The following PLEKHG6 variants were observed in gnomAD, a reference collection of about 807,000 sequenced individuals.
PLEKHG6 encodes the protein pleckstrin homology and RhoGEF domain containing G6.
In PLEKHG6, 91 loss-of-function variants were observed where a neutral mutation model predicts 97.5. The observed-to-expected ratio is 0.93, with a 90% confidence interval of 0.79 to 1.11. The LOEUF is 1.11. Among genes scored for constraint, PLEKHG6 ranks in the 50% most tolerant of loss-of-function variants. The probability of loss-of-function intolerance (pLI) is 0.00; values close to 1 mark genes in which losing one functional copy is unlikely to be tolerated. For missense variants in PLEKHG6, 1,044 were observed against 1,031.0 expected (o/e 1.01, Z -0.17); for synonymous variants, 466 against 425.5 (o/e 1.10, Z -1.17).
chr12:6,322,723 A>C (rs559037347), intron 13 of PLEKHG6, among the ~76,000 whole-genome samples: 1 of 152,304 alleles, frequency 6.6e-6, no homozygotes, highest in Admixed American at 6.5e-5. Context: ...TTTACAAAAA[A>C]TACAAAAATT....
chr12:6,328,337 GC>G lies in PLEKHG6; in HGVS notation c.*196del. ...ATTTATGTATCATAGGTGCACCTGA[GC>G]CCCACAGAAAGTTGTGCATAAAAAT... On this transcript the variant is annotated 3_prime_UTR_variant, in exon 16 of 16. Transcript: ENST00000684764. 1 of 563,014 alleles carries G rather than the reference GC, an allele frequency of 1.8e-6. No homozygotes were observed. The highest frequency in any genetic ancestry group is 3.2e-6 in the Non-Finnish European group (1 of 317,248). 34.9% of individuals were successfully genotyped at this position (563,014 alleles called of 1,614,324 possible).
rs1305039073 is a variant in PLEKHG6 at position 6,315,665 on chromosome 12, C to T, written c.555+16C>T. On this transcript the variant is annotated intron_variant, in intron 5 of 15. Coordinates refer to ENST00000684764, the MANE Select transcript of PLEKHG6 (RefSeq NM_001384598.1). This position sits in a 1 kb window ranked among gnomAD's most constrained non-coding sequence, Gnocchi z 4.5. Reference sequence around the variant, plus strand: ...CATGACTGATGTGAGCCCCCCTCAGCCCCAGCCCCGGCCCCATCTTCCCTG... The same window carrying T: ...CATGACTGATGTGAGCCCCCCTCAGTCCCAGCCCCGGCCCCATCTTCCCTG... The T allele has an allele frequency of 1.3e-6, 2 of 1,513,058 alleles. No individual in the cohort carries two copies. The highest frequency in any genetic ancestry group is 9.1e-7 in the Non-Finnish European group (1 of 1,101,012). The allele number at this position is 1,513,058 out of a possible 1,614,324, so 93.7% of individuals were successfully genotyped here.
chr12:6,319,412 C>A (rs1407768103), intron 13 of PLEKHG6: 2 of 925,718 alleles, frequency 2.2e-6, no homozygotes, highest in Non-Finnish European at 3.1e-6. Context: ...CGTGCCACTG[C>A]ACTCTAGCCT....
intron 13 of PLEKHG6, 96 bp downstream of exon 13, chr12:6,319,204 T>C: frequency 2.5e-6 from 2 of 812,466 alleles, no homozygotes; most frequent in Non-Finnish European, 3.9e-6. Context: ...TCTCAGCACT[T>C]TGGGAGGCTG....
chr12:6,324,393 CTTCCAG>C, intron 13 of PLEKHG6, among the ~76,000 whole-genome samples: 1 of 152,062 alleles, frequency 6.6e-6, no homozygotes, highest in East Asian at 1.9e-4. Context: ...ACCCTGCTTC[CTTCCAG>C]TTCTTCTTTC....
chr12:6,324,461 G>A (rs1002378533), intron 13 of PLEKHG6, among the ~76,000 whole-genome samples: 2 of 152,116 alleles, frequency 1.3e-5, no homozygotes, highest in Non-Finnish European at 2.9e-5. Context: ...TTTGGGTCCT[G>A]TGGGGCAAAA....
At chr12:6,319,591 C>A in intron 13 of PLEKHG6, 1 of 1,535,358 alleles carries the variant, frequency 6.5e-7, no homozygotes, top group Non-Finnish European at 8.7e-7. Context: ...AGAGCCTCCA[C>A]CATCCATCAG....
rs755909062 is a variant in PLEKHG6 at position 6,327,749 on chromosome 12, C to G, written c.2166C>G (p.Phe722Leu). 14 of 1,546,866 alleles carry G rather than the reference C, an allele frequency of 9.1e-6. No homozygotes were observed. The change falls in exon 15 of 16, where the codon TTC (phenylalanine) becomes TTG (leucine). Residue 722 changes from phenylalanine (F) to leucine (L), a missense_variant. Coordinates refer to ENST00000684764, the MANE Select transcript of PLEKHG6 (RefSeq NM_001384598.1). The part of the protein sequence containing the change: ...SGEEEEEGPL[F>L]LKAGHTSLRP... ...AGGAGGAAGAAGAGGGGCCTCTGTT[C>G]CTGAAAGCTGGCCACACATCCCTGC...
Position 6,327,293 on chromosome 12 carries a change from G to A in PLEKHG6, c.1710G>A (p.Val570=), listed in dbSNP as rs755565447. Residue 570 remains valine (V), a synonymous_variant, in exon 15 of 16, where the codon GTG becomes GTA. Coordinates refer to ENST00000684764, the MANE Select transcript of PLEKHG6 (RefSeq NM_001384598.1). ...CGACCATTATCCCCCACCTGGTGGT[G>A]ACAGAAGACACAGATGAAGATGCTC... The part of the protein sequence containing the change: ...EFSTIIPHLV[V]TEDTDEDAPL... 1.9e-6 allele frequency: 3 copies of A among 1,611,070 alleles called. No individual in the cohort carries two copies. The highest frequency in any genetic ancestry group is 1.3e-5 in the African/African-American group (1 of 74,834).
intron 13 of PLEKHG6, among the ~76,000 whole-genome samples, chr12:6,325,837 C>T (rs961369813): frequency 6.6e-6 from 1 of 152,156 alleles, no homozygotes; most frequent in Non-Finnish European, 1.5e-5. Context: ...ATTCTGTTCA[C>T]CCCACTCACC....
At chr12:6,318,694 G>A in intron 11 of PLEKHG6, 51 bp from the exon 12 acceptor site, 1 of 1,592,824 alleles carries the variant, frequency 6.3e-7, no homozygotes, top group Non-Finnish European at 8.6e-7. Flanking sequence ...GACCAGCCCT[G>A]CCCCTGGCTC....
chr12:6,312,119 A>T, intron 1 of PLEKHG6, 40 bp from the exon 2 acceptor site: 1 of 953,742 alleles, frequency 1.0e-6, no homozygotes, highest in Non-Finnish European at 1.5e-6. Flanking sequence ...CCATTCACTG[A>T]TTGGGGATGG....
Position 6,312,251 on chromosome 12 carries a change from G to A in PLEKHG6, c.25G>A (p.Glu9Lys). ...GATGAAGGCCTTTGGTCCTCCACATGAGGGCCCCCTCCAAGGACTCGTGGC... is the reference window on the plus strand; with the variant it reads ...GATGAAGGCCTTTGGTCCTCCACATAAGGGCCCCCTCCAAGGACTCGTGGC... MKAFGPPH[E>K]GPLQGLVASR... Residue 9 changes from glutamate (E) to lysine (K), a missense_variant, in exon 2 of 16, where the codon GAG (glutamate) becomes AAG (lysine). Glu to Lys is a moderately conservative substitution (Grantham distance 56). Transcript: ENST00000684764. 1 of 1,535,662 alleles carries A rather than the reference G, an allele frequency of 6.5e-7. No individual in the cohort carries two copies. Among genetic ancestry groups the A allele is most frequent in the Non-Finnish European group, 8.7e-7 (1 of 1,148,336 alleles).
intron 13 of PLEKHG6, chr12:6,319,687 G>A (rs1947636907): frequency 6.5e-7 from 1 of 1,529,834 alleles, no homozygotes. Context: ...TGTACAGCCT[G>A]AAATGATTAA....
chr12:6,320,087 C>T (rs188460753), intron 13 of PLEKHG6, among the ~76,000 whole-genome samples: 1 of 152,260 alleles, frequency 6.6e-6, no homozygotes, highest in East Asian at 1.9e-4. Context: ...GAACTGCCCC[C>T]ATTGGTATTG....
In PLEKHG6 at chr12:6,316,753, C is replaced by T. The variant is rs955492580; in HGVS notation, c.756+349C>T. Among the ~76,000 whole-genome samples, 1 of 152,092 alleles carries T rather than the reference C, an allele frequency of 6.6e-6. No homozygotes were observed. The highest frequency in any genetic ancestry group is 1.5e-5 in the Non-Finnish European group (1 of 68,028). On this transcript the variant is annotated intron_variant, in intron 7 of 15. Transcript: ENST00000684764. The surrounding 1 kb of genome is among the most constrained non-coding windows in gnomAD (Gnocchi z 4.1). ...GGGTGTAAAAGGCCACAGGAGGCAC[C>T]CGGGGCACGGAGAAGAGTGACAAGA...
intron 8 of PLEKHG6, 29 bp downstream of exon 8, chr12:6,317,442 C>T (rs772729726): frequency 8.7e-6 from 14 of 1,606,456 alleles, no homozygotes; most frequent in African/African-American, 5.4e-5. Flanking sequence ...GGGAGGGGGA[C>T]GGGTGCATCT....
intron 13 of PLEKHG6, among the ~76,000 whole-genome samples, chr12:6,320,854 T>TG (rs1565459669): frequency 6.6e-6 from 1 of 152,110 alleles, no homozygotes; most frequent in Non-Finnish European, 1.5e-5. Context: ...CCAGCTGGGC[T>TG]GGATATATTT....
At chr12:6,322,973 C>T (rs4764580) in intron 13 of PLEKHG6, among the ~76,000 whole-genome samples, 57,421 of 152,070 alleles carry the variant, frequency 0.38, 11,056 homozygotes, top group Non-Finnish European at 0.42. Flanking sequence ...GCATCGGTGT[C>T]CCTAGAGCCC....
Sources: gnomAD v4.1 joint callset for allele counts (sites outside exome capture counted in the v4.1 genomes callset) on GRCh38, gnomAD v4.1.1 for gene constraint, Gnocchi (gnomAD v3.1) non-coding constraint, MANE v1.5 for transcripts, NCBI Gene and HGNC (gene_info 2026-07-23, HGNC 2026-07-21) for gene names.